PRKN: variants seen among roughly 807,000 people sequenced by gnomAD.
PRKN encodes E3 ubiquitin-protein ligase parkin.
In PRKN, 56 loss-of-function variants were observed where a neutral mutation model predicts 59.5. The observed-to-expected ratio is 0.94, with a 90% CI of 0.76 to 1.18. PRKN has a LOEUF of 1.18. Ranked by LOEUF, PRKN falls within the 50% of genes most tolerant of loss-of-function variation. The pLI, the probability that PRKN is intolerant of heterozygous loss-of-function variation, is 0.00. For synonymous variants in PRKN, 250 were observed against 222.1 expected (o/e 1.13, Z -1.12); for missense variants, 657 against 596.4 (o/e 1.10, Z -1.06).
At chr6:162,394,795 G>A (rs943200741) in intron 2 of PRKN, among the ~76,000 whole-genome samples, 2 of 152,184 alleles carry the variant, frequency 1.3e-5, no homozygotes, top group Non-Finnish European at 2.9e-5. Flanking sequence ...TCACTTAAGT[G>A]AATAGAAAAG....
chr6:161,749,492 G>C (rs3019442), intron 7 of PRKN, among the ~76,000 whole-genome samples: 60,591 of 151,948 alleles, frequency 0.4, 12,273 homozygotes, highest in South Asian at 0.5. Flanking sequence ...GTGATTCCTG[G>C]TACAGATTTT....
chr6:161,680,763 ATATATATATATATTTTT>A (rs1254997296), intron 7 of PRKN, among the ~76,000 whole-genome samples: 7 of 10,162 alleles, frequency 6.9e-4, no homozygotes, highest in East Asian at 5.8e-3. Flanking sequence ...ATATATATAT[ATATATATATATATTTTT>A]TTTTTTTTTT....
chr6:162,329,100 A>G, intron 2 of PRKN, among the ~76,000 whole-genome samples: 1 of 152,222 alleles, frequency 6.6e-6, no homozygotes. Context: ...AACTTCCTAA[A>G]TATAATGGCT....
intron 5 of PRKN, among the ~76,000 whole-genome samples, chr6:162,050,936 A>C (rs983007226): frequency 1.3e-5 from 2 of 152,028 alleles, no homozygotes; most frequent in African/African-American, 2.4e-5. Context: ...CTATAAACAC[A>C]TGGTGTTCGG....
rs147337445 is a variant in PRKN, at chr6:161,711,801, T to C, written c.871+73971A>G. Reference sequence around the variant, plus strand: ...TCTTCCAGCCTTCATCTTTCTCCCATGCTGGATGCCTTTTGCCCTCAAACA... The same window carrying C: ...TCTTCCAGCCTTCATCTTTCTCCCACGCTGGATGCCTTTTGCCCTCAAACA... On this transcript the variant is annotated intron_variant, in intron 7 of 11. Coordinates refer to ENST00000366898, the MANE Select transcript of PRKN (RefSeq NM_004562.3). Among the ~76,000 whole-genome samples, 410 of 152,296 alleles carry C rather than the reference T, an allele frequency of 2.7e-3. 1 individual carries two copies. The highest frequency in any genetic ancestry group is 9.4e-3 in the African/African-American group (389 of 41,566).
At chr6:161,762,793 T>C (rs1014532394) in intron 7 of PRKN, among the ~76,000 whole-genome samples, 15 of 152,338 alleles carry the variant, frequency 9.8e-5, no homozygotes, top group South Asian at 4.2e-4. Flanking sequence ...TAGGCCACCA[T>C]TGCTCTCAAA....
intron 2 of PRKN, among the ~76,000 whole-genome samples, chr6:162,334,297 T>C (rs982406441): frequency 3.9e-5 from 6 of 152,232 alleles, no homozygotes; most frequent in Admixed American, 2.6e-4. Context: ...GGGACTTTCA[T>C]AGCTAGAGAG....
At chr6:162,290,181 A>C (rs1781364753) in intron 2 of PRKN, among the ~76,000 whole-genome samples, 1 of 152,148 alleles carries the variant, frequency 6.6e-6, no homozygotes. Flanking sequence ...GCTGACTGTC[A>C]TTCCCTCTCA....
At chr6:162,147,783 C>T (rs1562541121) in intron 4 of PRKN, among the ~76,000 whole-genome samples, 1 of 151,898 alleles carries the variant, frequency 6.6e-6, no homozygotes, top group Admixed American at 6.6e-5. Flanking sequence ...GTGAACATCT[C>T]GTATACAGCT....
chr6:162,112,729 C>T (rs1482690450), intron 4 of PRKN, among the ~76,000 whole-genome samples: 9 of 151,656 alleles, frequency 5.9e-5, no homozygotes, highest in East Asian at 5.8e-4. Context: ...ACTTGAGCCC[C>T]GGAGTTCAAG....
chr6:162,198,462 A>G (rs1271420337), intron 4 of PRKN, among the ~76,000 whole-genome samples: 1 of 151,846 alleles, frequency 6.6e-6, no homozygotes, highest in East Asian at 1.9e-4. Context: ...GAGTATATAT[A>G]AATATATATA....
At chr6:161,975,555 G>A (rs1019769345) in intron 5 of PRKN, among the ~76,000 whole-genome samples, 8 of 152,100 alleles carry the variant, frequency 5.3e-5, no homozygotes, top group Admixed American at 3.9e-4. Flanking sequence ...CCTCTGACAT[G>A]TGACACCATG....
intron 1 of PRKN, among the ~76,000 whole-genome samples, chr6:162,636,003 C>T (rs959098695): frequency 6.6e-6 from 1 of 152,052 alleles, no homozygotes; most frequent in Non-Finnish European, 1.5e-5. Flanking sequence ...ACAAATCATC[C>T]TTGGGTTAAG....
At chr6:162,461,783 G>A (rs1420115728) in intron 1 of PRKN, among the ~76,000 whole-genome samples, 3 of 151,004 alleles carry the variant, frequency 2.0e-5, no homozygotes, top group South Asian at 2.1e-4. Context: ...CCAAGATCAC[G>A]CCACTGCACT....
chr6:162,414,705 C>T (rs1418564319), intron 2 of PRKN, among the ~76,000 whole-genome samples: 4 of 33,162 alleles, frequency 1.2e-4, no homozygotes, highest in Non-Finnish European at 2.0e-4. Flanking sequence ...AGCAAGACTC[C>T]GTCTCAAAAA....
At chr6:162,406,380 A>G (rs944501196) in intron 2 of PRKN, among the ~76,000 whole-genome samples, 8 of 152,212 alleles carry the variant, frequency 5.3e-5, no homozygotes, top group Non-Finnish European at 1.0e-4. Context: ...TTCTCTAGTC[A>G]AGAGTTCAAT....
At chr6:161,455,443 C>T (rs1008061870) in intron 9 of PRKN, among the ~76,000 whole-genome samples, 4 of 152,184 alleles carry the variant, frequency 2.6e-5, no homozygotes, top group Non-Finnish European at 5.9e-5. Context: ...CTACTAAATG[C>T]TACCCAGTGA....
intron 6 of PRKN, among the ~76,000 whole-genome samples, chr6:161,845,216 C>A (rs1244605027): frequency 6.6e-6 from 1 of 152,166 alleles, no homozygotes; most frequent in African/African-American, 2.4e-5. Context: ...CCTGGGCCAC[C>A]AGTAGATGCC....
At chr6:162,428,856 C>T (rs1681902791) in intron 2 of PRKN, among the ~76,000 whole-genome samples, 1 of 152,152 alleles carries the variant, frequency 6.6e-6, no homozygotes, top group Admixed American at 6.5e-5. Context: ...ATGTGCTTAC[C>T]TAATGCCCAC....
Sources: gnomAD v4.1 joint callset for allele counts (sites outside exome capture counted in the v4.1 genomes callset) on GRCh38, gnomAD v4.1.1 for gene constraint, MANE v1.5 for transcripts, NCBI Gene and HGNC (gene_info 2026-07-23, HGNC 2026-07-21) for gene names.